Variants in GSG1L observed in about 807,000 individuals in gnomAD.
GSG1L encodes GSG1 like.
Under a neutral mutation model 42.1 loss-of-function variants are expected in GSG1L, and 24 were observed. The observed-to-expected ratio is 0.57, with a 90% CI of 0.41 to 0.80. GSG1L has a LOEUF of 0.80. Among genes scored for constraint, GSG1L ranks in the 30% least tolerant of loss-of-function variants. The pLI is 0.00. For synonymous variants in GSG1L, 215 were observed against 203.5 expected, an observed-to-expected ratio of 1.06 and a Z score of -0.48; for missense variants, 445 against 472.2, an observed-to-expected ratio of 0.94 and a Z score of 0.53.
chr16:27,825,793 C>T (rs1171055577), intron 5 of GSG1L, among the ~76,000 whole-genome samples: 3 of 152,112 alleles, frequency 2.0e-5, no homozygotes, highest in Non-Finnish European at 4.4e-5. Flanking sequence ...CTCATGAGAT[C>T]TAATGGCTTT....
intron 1 of GSG1L, among the ~76,000 whole-genome samples, chr16:27,973,439 CAAAAAAAAAAAAAAAAA>C (rs71140935): frequency 6.7e-5 from 2 of 29,848 alleles, no homozygotes; most frequent in Non-Finnish European, 1.2e-4. Context: ...GACCCCATCA[CAAAAAAAAAAAAAAAAA>C]AAAAAAAAAA....
At chr16:27,974,889 G>A (rs1046327603) in intron 1 of GSG1L, among the ~76,000 whole-genome samples, 1 of 152,106 alleles carries the variant, frequency 6.6e-6, no homozygotes, top group African/African-American at 2.4e-5. Flanking sequence ...GAAGACCGAC[G>A]AGTGAAGAAA....
At chr16:27,961,717 G>C (rs995541455) in intron 2 of GSG1L, among the ~76,000 whole-genome samples, 1 of 152,194 alleles carries the variant, frequency 6.6e-6, no homozygotes, top group African/African-American at 2.4e-5. Context: ...GCTGTGGCTT[G>C]AGCCGCCCAG....
chr16:27,869,719 C>G (rs2083784564), intron 3 of GSG1L, among the ~76,000 whole-genome samples: 1 of 134,904 alleles, frequency 7.4e-6, no homozygotes, highest in African/African-American at 2.8e-5. Flanking sequence ...CTCTCCTTCT[C>G]TCTCTGTCTC....
intron 1 of GSG1L, among the ~76,000 whole-genome samples, chr16:27,976,446 G>A (rs1374763548): frequency 1.3e-5 from 2 of 152,192 alleles, no homozygotes; most frequent in African/African-American, 2.4e-5. Flanking sequence ...GCAATTAATA[G>A]TACTTCATAA....
intron 2 of GSG1L, among the ~76,000 whole-genome samples, chr16:27,920,779 G>A (rs113408207): frequency 6.6e-6 from 1 of 152,322 alleles, no homozygotes; most frequent in African/African-American, 2.4e-5. Flanking sequence ...GCTGGTGAGG[G>A]GAGGAAACAG....
At position 28,006,493 on chromosome 16, in the gene GSG1L, GA is replaced by G. The variant is rs1255285836; in HGVS notation, c.350-43291del. The stretch of plus-strand genomic sequence containing the variant: ...CTGGCTAATTTTTGTATTTTTAGTA[GA>G]GATGGGGTTTCACCATGTTGGCCAG... On this transcript the variant is annotated intron_variant, in intron 1 of 6. Coordinates refer to ENST00000447459, the MANE Select transcript of GSG1L (RefSeq NM_001109763.2). 5.9e-5 allele frequency among the ~76,000 whole-genome samples: 9 copies of G among 152,020 alleles called. No homozygotes were observed. The South Asian group carries it at 1.7e-3, about 28-fold the overall frequency.
chr16:27,797,237 A>C (rs2082827416), intron 6 of GSG1L, among the ~76,000 whole-genome samples: 1 of 152,162 alleles, frequency 6.6e-6, no homozygotes, highest in South Asian at 2.1e-4. Context: ...AAAAACAATG[A>C]AATCTGCTGG....
intron 3 of GSG1L, among the ~76,000 whole-genome samples, chr16:27,855,782 T>C (rs2083570604): frequency 6.6e-6 from 1 of 151,078 alleles, no homozygotes; most frequent in South Asian, 2.1e-4. Context: ...ACTGTGAGTT[T>C]CTGCTCCAGT....
At chr16:27,858,263 C>A (rs185361632) in intron 3 of GSG1L, among the ~76,000 whole-genome samples, 2 of 152,354 alleles carry the variant, frequency 1.3e-5, no homozygotes, top group African/African-American at 4.8e-5. Context: ...GACAGCCTCT[C>A]TTTACCCCGG....
At chr16:27,826,282 C>G (rs2083207554) in intron 5 of GSG1L, among the ~76,000 whole-genome samples, 1 of 152,124 alleles carries the variant, frequency 6.6e-6, no homozygotes. Flanking sequence ...TGGGTCTCCT[C>G]ACCCCATGCG....
intron 1 of GSG1L, among the ~76,000 whole-genome samples, chr16:28,009,371 C>A (rs2085687456): frequency 6.6e-6 from 1 of 152,076 alleles, no homozygotes; most frequent in African/African-American, 2.4e-5. Flanking sequence ...ACCCCTGCCC[C>A]CCCTGCATGC....
chr16:27,976,135 C>T (rs1179144661), intron 1 of GSG1L, among the ~76,000 whole-genome samples: 1 of 152,112 alleles, frequency 6.6e-6, no homozygotes, highest in African/African-American at 2.4e-5. Flanking sequence ...ATTAGCCAGG[C>T]CCAGTGGTGC....
chr16:27,803,918 G>A (rs1024017154), intron 6 of GSG1L, among the ~76,000 whole-genome samples: 1 of 151,638 alleles, frequency 6.6e-6, no homozygotes, highest in African/African-American at 2.4e-5. Context: ...TGACACGATT[G>A]ATAGATGATG....
intron 4 of GSG1L, among the ~76,000 whole-genome samples, chr16:27,834,484 A>G (rs973879109): frequency 1.3e-4 from 10 of 79,214 alleles, no homozygotes; most frequent in Non-Finnish European, 2.3e-4. Flanking sequence ...CTATTTTCTG[A>G]AAAAAAAAAA....
At chr16:27,959,134 T>C (rs1169084704) in intron 2 of GSG1L, among the ~76,000 whole-genome samples, 4 of 150,978 alleles carry the variant, frequency 2.6e-5, no homozygotes, top group Non-Finnish European at 5.9e-5. Context: ...AACTGGCTGT[T>C]GATTGGGGTT....
At chr16:28,012,937 A>G (rs1160069769) in intron 1 of GSG1L, among the ~76,000 whole-genome samples, 2 of 151,024 alleles carry the variant, frequency 1.3e-5, no homozygotes, top group African/African-American at 4.9e-5. Flanking sequence ...TATAAAACTT[A>G]CAAGTGCCCA....
intron 2 of GSG1L, among the ~76,000 whole-genome samples, chr16:27,904,707 C>T (rs983415231): frequency 6.6e-6 from 1 of 152,110 alleles, no homozygotes; most frequent in African/African-American, 2.4e-5. Context: ...AAACTCATTC[C>T]CACCCCAGGG....
intron 1 of GSG1L, among the ~76,000 whole-genome samples, chr16:28,042,206 C>A (rs1406009597): frequency 6.6e-6 from 1 of 152,096 alleles, no homozygotes; most frequent in Non-Finnish European, 1.5e-5. Context: ...GAGGCCAATG[C>A]AGGTGGATCA....
Sources: allele counts gnomAD v4.1 joint callset (sites outside exome capture counted in the v4.1 genomes callset), GRCh38; gene constraint gnomAD v4.1.1; transcripts MANE v1.5; gene names NCBI Gene and HGNC (gene_info 2026-07-23, HGNC 2026-07-21).